Variants in FGF7 observed in about 807,000 individuals in gnomAD.
The protein encoded by FGF7 is FGF-7.
In FGF7, 6 loss-of-function variants were observed where a neutral mutation model predicts 20.5. That is an observed-to-expected ratio of 0.29 (90% CI 0.16 to 0.58). The LOEUF (loss-of-function observed/expected upper bound fraction) is 0.58, where lower values mean the gene tolerates loss of function less well. Among genes scored for constraint, FGF7 ranks in the 20% least tolerant of loss-of-function variants. The probability of loss-of-function intolerance (pLI) is 0.90; values close to 1 mark genes in which losing one functional copy is unlikely to be tolerated. For missense variants in FGF7, 144 were observed against 228.8 expected (o/e 0.63, Z 2.39); for synonymous variants, 64 against 74.7 (o/e 0.86, Z 0.74).
chr15:49,473,565 C>T (rs12440323), intron 2 of FGF7, among the ~76,000 whole-genome samples: 42,171 of 151,906 alleles, frequency 0.28, 6,086 homozygotes, highest in East Asian at 0.38. Context: ...AATATTGTGA[C>T]AATCATATTG....
At chr15:49,446,475 T>G (rs2052225600) in intron 2 of FGF7, among the ~76,000 whole-genome samples, 1 of 151,688 alleles carries the variant, frequency 6.6e-6, no homozygotes, top group East Asian at 1.9e-4. Context: ...ATAAGGAGAC[T>G]GAAAGAGAAT....
intron 2 of FGF7, among the ~76,000 whole-genome samples, chr15:49,465,888 T>C (rs1027871083): frequency 8.5e-5 from 13 of 152,190 alleles, no homozygotes; most frequent in Admixed American, 1.3e-4. Context: ...GACACACTAC[T>C]TAATATGGTG....
At chr15:49,484,174 A>T in intron 3 of FGF7, 136 bp from the exon 4 acceptor site, 1 of 594,572 alleles carries the variant, frequency 1.7e-6, no homozygotes, top group Non-Finnish European at 2.9e-6. Flanking sequence ...AAACCACATT[A>T]GGCCTGCTCA....
intron 2 of FGF7, among the ~76,000 whole-genome samples, chr15:49,466,584 A>T (rs1032423956): frequency 6.6e-6 from 1 of 152,152 alleles, no homozygotes; most frequent in Non-Finnish European, 1.5e-5. Flanking sequence ...TATAACATAT[A>T]TCTTATGAAT....
intron 2 of FGF7, among the ~76,000 whole-genome samples, chr15:49,461,225 T>C (rs1238800165): frequency 6.6e-6 from 1 of 152,176 alleles, no homozygotes; most frequent in Non-Finnish European, 1.5e-5. Context: ...TCCTTGTCAT[T>C]TGGGCTAATT....
At chr15:49,451,064 C>G (rs2052683651) in intron 2 of FGF7, among the ~76,000 whole-genome samples, 1 of 151,820 alleles carries the variant, frequency 6.6e-6, no homozygotes, top group South Asian at 2.1e-4. Flanking sequence ...TTAATTCAAT[C>G]AAAATTTTAA....
chr15:49,460,879 C>T (rs2053731301), intron 2 of FGF7, among the ~76,000 whole-genome samples: 3 of 152,112 alleles, frequency 2.0e-5, no homozygotes, highest in Non-Finnish European at 4.4e-5. Flanking sequence ...TTGTCTTTTT[C>T]AGAATGCATT....
Position 49,484,791 on chromosome 15 carries a change from CTTAAA to C in FGF7, c.*292_*296del, listed in dbSNP as rs1269364304. On this transcript the variant is annotated 3_prime_UTR_variant, in exon 4 of 4. Coordinates refer to ENST00000267843, the MANE Select transcript of FGF7 (RefSeq NM_002009.4). Reference sequence around the variant, plus strand: ...TGATGTTAGTAACAGTAATTTTTTTCTTAAATTAATTTACCCTTAAGAGTATGTTA... The same window carrying C: ...TGATGTTAGTAACAGTAATTTTTTTCTTAATTTACCCTTAAGAGTATGTTA... The C allele has an allele frequency of 4.1e-6, 1 of 242,558 alleles. No individual in the cohort carries two copies. Among genetic ancestry groups the C allele is most frequent in the African/African-American group, 2.2e-5 (1 of 44,602 alleles). 15.0% of individuals were successfully genotyped at this position (242,558 alleles called of 1,614,324 possible). A position where few individuals can be genotyped will look rare whatever the true frequency, so the allele number is the denominator to read the frequency against.
chr15:49,460,811 G>A (rs1317455668), intron 2 of FGF7, among the ~76,000 whole-genome samples: 1 of 152,160 alleles, frequency 6.6e-6, no homozygotes, highest in East Asian at 1.9e-4. Flanking sequence ...AGAGGGCAAA[G>A]CTTTGTGTGT....
chr15:49,470,893 C>T (rs956053229), intron 2 of FGF7, among the ~76,000 whole-genome samples: 1 of 152,202 alleles, frequency 6.6e-6, no homozygotes, highest in African/African-American at 2.4e-5. Context: ...ACTCAAACAG[C>T]TTGCTGGGAG....
intron 2 of FGF7, among the ~76,000 whole-genome samples, chr15:49,458,335 C>T (rs969675961): frequency 6.6e-6 from 1 of 152,018 alleles, no homozygotes; most frequent in African/African-American, 2.4e-5. Flanking sequence ...CACAAATAAG[C>T]TATTACTTGG....
chr15:49,476,077 T>A (rs16973952), intron 2 of FGF7, among the ~76,000 whole-genome samples: 49,338 of 151,894 alleles, frequency 0.32, 8,740 homozygotes, highest in African/African-American at 0.45. Context: ...TATCTCTCAA[T>A]TAGCATGTTT....
At chr15:49,429,831 T>A (rs561460394) in intron 2 of FGF7, among the ~76,000 whole-genome samples, 1 of 151,982 alleles carries the variant, frequency 6.6e-6, no homozygotes, top group East Asian at 1.9e-4. Context: ...TACTGGGGAA[T>A]TAAGTCAGAA....
At chr15:49,475,063 T>C (rs1169586075) in intron 2 of FGF7, among the ~76,000 whole-genome samples, 2 of 152,182 alleles carry the variant, frequency 1.3e-5, no homozygotes, top group African/African-American at 2.4e-5. Flanking sequence ...AGATACAATA[T>C]AATAAATTAT....
chr15:49,448,232 G>C (rs950212094), intron 2 of FGF7, among the ~76,000 whole-genome samples: 1 of 151,364 alleles, frequency 6.6e-6, no homozygotes, highest in Non-Finnish European at 1.5e-5. Flanking sequence ...CACTATTGTT[G>C]TCCCCCCAAC....
At chr15:49,454,574 G>C (rs2053090088) in intron 2 of FGF7, among the ~76,000 whole-genome samples, 1 of 151,996 alleles carries the variant, frequency 6.6e-6, no homozygotes, top group African/African-American at 2.4e-5. Flanking sequence ...CCAAGATCTA[G>C]ATATTCCCCA....
intron 2 of FGF7, among the ~76,000 whole-genome samples, chr15:49,480,205 C>T (rs770019533): frequency 6.6e-6 from 1 of 152,138 alleles, no homozygotes; most frequent in African/African-American, 2.4e-5. Flanking sequence ...TAAGTCTATT[C>T]TCATCTCAGT....
rs56097665 is a variant in FGF7, at chr15:49,479,599, G to GTTTTTTT, written c.287-3529_287-3523dup. On this transcript the variant is annotated intron_variant, in intron 2 of 3. Coordinates refer to ENST00000267843, the MANE Select transcript of FGF7 (RefSeq NM_002009.4). ...GTAGGATTTCATAGTTAATACCTCT[G>GTTTTTTT]TTTTTTTTTTTTTTTTTTTTTTTTT... Among the ~76,000 whole-genome samples the GTTTTTTT allele has an allele frequency of 1.3e-3, 82 of 63,318 alleles. 10 individuals carry two copies. The highest frequency in any genetic ancestry group is 4.8e-3 in the African/African-American group (76 of 15,938). 41.5% of individuals were successfully genotyped at this position (63,318 alleles called of 152,430 possible). A position where few individuals can be genotyped will look rare whatever the true frequency, so the allele number is the denominator to read the frequency against.
At chr15:49,431,079 T>A (rs2151786445) in intron 2 of FGF7, among the ~76,000 whole-genome samples, 1 of 151,998 alleles carries the variant, frequency 6.6e-6, no homozygotes, top group African/African-American at 2.4e-5. Flanking sequence ...ACAATACTTT[T>A]CCATTTTTAA....
Sources: gnomAD v4.1 joint callset for allele counts (sites outside exome capture counted in the v4.1 genomes callset) on GRCh38, gnomAD v4.1.1 for gene constraint, MANE v1.5 for transcripts, NCBI Gene and HGNC (gene_info 2026-07-23, HGNC 2026-07-21) for gene names.